The following CNR1 variants were observed in gnomAD, a reference collection of about 807,000 sequenced individuals.
CNR1 encodes the protein cannabinoid receptor 1, also known as cannabinoid receptor 1 (brain).
Under a neutral mutation model 23.0 loss-of-function variants are expected in CNR1, and 10 were observed. That is an observed-to-expected ratio of 0.43 (90% CI 0.27 to 0.74). The LOEUF is 0.74. Among genes scored for constraint, CNR1 ranks in the 30% least tolerant of loss-of-function variants. The pLI, the probability that CNR1 is intolerant of heterozygous loss-of-function variation, is 0.19. For missense variants in CNR1, 422 were observed against 618.8 expected (o/e 0.68, Z 3.37); for synonymous variants, 271 against 255.2 (o/e 1.06, Z -0.59).
Position 88,144,693 on chromosome 6 carries a change from A to T in CNR1, c.582T>A (p.Gly194=). 2 of 1,614,156 alleles carry T rather than the reference A, an allele frequency of 1.2e-6. No homozygotes were observed. Among genetic ancestry groups the T allele is most frequent in the Non-Finnish European group, 8.5e-7 (1 of 1,180,014 alleles). ...AGGCAGTGAAGGAGGCCGTGACCCC[A>T]CCCAGTTTGAACAGAAACACGTTGC... is the stretch of plus-strand genomic sequence containing the variant. ...DSRNVFLFKL[G]GVTASFTASV... Residue 194 remains glycine (G), a synonymous_variant, in exon 2 of 2, where the codon GGT becomes GGA. Coordinates refer to ENST00000369501, the MANE Select transcript of CNR1 (RefSeq NM_016083.6). This position sits in a 1 kb window ranked among gnomAD's most constrained non-coding sequence, Gnocchi z 7.8.
In CNR1 at chr6:88,144,318, G is replaced by T. The variant is rs1225729258; in HGVS notation, c.957C>A (p.Ile319=). The change falls in exon 2 of 2, where the codon ATC becomes ATA. Residue 319 remains isoleucine, a synonymous_variant. Coordinates refer to ENST00000369501, the MANE Select transcript of CNR1 (RefSeq NM_016083.6). The surrounding 1 kb of genome is among the most constrained non-coding windows in gnomAD (Gnocchi z 7.8). ...GTACCTTCCCATCCTCAGACGTGTGGATGATGATGCTCTTCTGGGTGCCAC... is the reference window on the plus strand; with the variant it reads ...GTACCTTCCCATCCTCAGACGTGTGTATGATGATGCTCTTCTGGGTGCCAC... ...IQRGTQKSII[I]HTSEDGKVQV... 1 of 1,612,988 alleles carries T rather than the reference G, an allele frequency of 6.2e-7. No individual in the cohort carries two copies. Among genetic ancestry groups the T allele is most frequent in the Non-Finnish European group, 8.5e-7 (1 of 1,180,014 alleles).
chr6:88,145,221 A>T lies in CNR1; in HGVS notation c.54T>A (p.Thr18=), dbSNP rs1477459594. 2 of 1,614,046 alleles carry T rather than the reference A, an allele frequency of 1.2e-6. No homozygotes were observed. Among genetic ancestry groups the T allele is most frequent in the Non-Finnish European group, 1.7e-6 (2 of 1,180,014 alleles). Reference sequence around the variant, plus strand: ...CATTTGAGCCCACGTACAGGAGGTCAGTGGTGATGGTGCGGAAGGTGGTAT... The same window carrying T: ...CATTTGAGCCCACGTACAGGAGGTCTGTGGTGATGGTGCGGAAGGTGGTAT... ...LADTTFRTIT[T]DLLYVGSNDI... is the part of the protein sequence containing the mutation. The change falls in exon 2 of 2, where the codon ACT becomes ACA. Residue 18 remains threonine (T), a synonymous_variant. Coordinates refer to ENST00000369501, the MANE Select transcript of CNR1 (RefSeq NM_016083.6).
At chr6:88,158,186 G>A (rs182956624) in intron 1 of CNR1, among the ~76,000 whole-genome samples, 21 of 152,328 alleles carry the variant, frequency 1.4e-4, no homozygotes, top group Non-Finnish European at 2.2e-4. Context: ...CTCTGGAAAT[G>A]TAGTTGTGAT....
chr6:88,166,963 T>C (rs1778395284), upstream of CNR1, among the ~76,000 whole-genome samples: 2 of 151,804 alleles, frequency 1.3e-5, no homozygotes, highest in African/African-American at 4.8e-5. Context: ...AGCCGTTCGC[T>C]ACCTGGCTGC....
At chr6:88,167,251 C>T (rs769849647), upstream of CNR1, among the ~76,000 whole-genome samples, 3 of 152,092 alleles carry the variant, frequency 2.0e-5, no homozygotes, top group East Asian at 1.9e-4. Flanking sequence ...GACTCGGGGG[C>T]GGCAGCGGCG....
chr6:88,164,119 TAAC>T (rs1482501890), intron 1 of CNR1: 1 of 152,368 alleles, frequency 6.6e-6, no homozygotes, highest in African/African-American at 2.4e-5. Context: ...TTTGCTTTCC[TAAC>T]AACGAGTATG....
At position 88,143,777 on chromosome 6, in the gene CNR1, C is replaced by T; in HGVS notation, c.*79G>A. The T allele has an allele frequency of 9.9e-7, 1 of 1,009,554 alleles. No individual in the cohort carries two copies. The highest frequency in any genetic ancestry group is 1.5e-6 in the Non-Finnish European group (1 of 672,842). 62.5% of individuals were successfully genotyped at this position (1,009,554 alleles called of 1,614,324 possible). A position where few individuals can be genotyped will look rare whatever the true frequency, so the allele number is the denominator to read the frequency against. ...CATGGTAAAGTTAAAAAAATATAAC[C>T]AAGGAGACAATAGACTCTTCTAGAT... On this transcript the variant is annotated 3_prime_UTR_variant, in exon 2 of 2. Transcript: ENST00000369501.
At position 88,151,088 on chromosome 6, in the gene CNR1, T is replaced by A. The variant is rs530586738; in HGVS notation, c.-63-5751A>T. 3.3e-5 allele frequency among the ~76,000 whole-genome samples: 5 copies of A among 152,284 alleles called. No individual in the cohort carries two copies. In the South Asian group the frequency reaches 6.2e-4, roughly 19 times the overall value. Reference sequence around the variant, plus strand: ...TGACACTGAGCCTATTACATATATATCAATTCCTTTATTTCACAATGGCCC... The same window carrying A: ...TGACACTGAGCCTATTACATATATAACAATTCCTTTATTTCACAATGGCCC... On this transcript the variant is annotated intron_variant, in intron 1 of 1. Coordinates refer to ENST00000369501, the MANE Select transcript of CNR1 (RefSeq NM_016083.6).
At chr6:88,152,233 A>G (rs1046584025) in intron 1 of CNR1, among the ~76,000 whole-genome samples, 3 of 150,096 alleles carry the variant, frequency 2.0e-5, no homozygotes, top group East Asian at 2.0e-4. Context: ...AAAAAAAAAA[A>G]AAAGAAATGT....
At chr6:88,147,143 A>AT (rs1324905847) in intron 1 of CNR1, among the ~76,000 whole-genome samples, 2 of 152,134 alleles carry the variant, frequency 1.3e-5, no homozygotes, top group African/African-American at 2.4e-5. Context: ...ATAAAAAGAA[A>AT]TTTAAAAAAA....
chr6:88,159,676 T>C (rs1777983621), intron 1 of CNR1, among the ~76,000 whole-genome samples: 1 of 152,194 alleles, frequency 6.6e-6, no homozygotes, highest in South Asian at 2.1e-4. Context: ...GACACAAAAT[T>C]CTTTGGCCAA....
chr6:88,162,222 A>T (rs1347474297), intron 1 of CNR1, among the ~76,000 whole-genome samples: 1 of 152,170 alleles, frequency 6.6e-6, no homozygotes, highest in African/African-American at 2.4e-5. Context: ...CATTTCCCCA[A>T]ATTTGTAGTA....
intron 1 of CNR1, among the ~76,000 whole-genome samples, chr6:88,157,093 G>A (rs1199925951): frequency 6.6e-6 from 1 of 152,154 alleles, no homozygotes; most frequent in Non-Finnish European, 1.5e-5. Flanking sequence ...TAGCAATGAC[G>A]TATCAAGAGT....
intron 1 of CNR1, chr6:88,162,922 A>G (rs1778179336): frequency 6.6e-6 from 1 of 152,224 alleles, no homozygotes; most frequent in East Asian, 1.9e-4. Context: ...TCAATTAGAA[A>G]ATGATAAATA....
rs897249252 is a variant in CNR1 at position 88,144,413 on chromosome 6, G to C, written c.862C>G (p.Leu288Val). 2 of 1,614,134 alleles carry C rather than the reference G, an allele frequency of 1.2e-6. No individual in the cohort carries two copies. Among genetic ancestry groups the C allele is most frequent in the Non-Finnish European group, 1.7e-6 (2 of 1,180,040 alleles). ...TACATGTACGCATACACGATGAACA[G>C]AAGCAGTACGCTGGTGACCCCGATC... ...FWIGVTSVLLLFIVYAYMYIL... is the reference protein window; with the variant it reads ...FWIGVTSVLLVFIVYAYMYIL... Residue 288 changes from leucine (L) to valine (V), a missense_variant, in exon 2 of 2, where the codon CTG becomes GTG. By Grantham distance (32) the Leu-to-Val change is conservative. Coordinates refer to ENST00000369501, the MANE Select transcript of CNR1 (RefSeq NM_016083.6). This position sits in a 1 kb window ranked among gnomAD's most constrained non-coding sequence, Gnocchi z 7.8.
At chr6:88,159,844 C>G (rs1399528667) in intron 1 of CNR1, among the ~76,000 whole-genome samples, 1 of 152,108 alleles carries the variant, frequency 6.6e-6, no homozygotes, top group Non-Finnish European at 1.5e-5. Context: ...TTTAGCCAAA[C>G]GCCATGGAAT....
chr6:88,165,635 C>T (rs910893969), intron 1 of CNR1, among the ~76,000 whole-genome samples, 168 bp downstream of exon 1: 4 of 152,208 alleles, frequency 2.6e-5, no homozygotes, highest in Non-Finnish European at 5.9e-5. Context: ...AGAAGTAGAA[C>T]AGATCACAGT....
upstream of CNR1, among the ~76,000 whole-genome samples, chr6:88,166,910 C>G (rs989421775): frequency 6.6e-6 from 1 of 151,924 alleles, no homozygotes; most frequent in Non-Finnish European, 1.5e-5. Flanking sequence ...CGAGCTGGGC[C>G]CGGGGCCGGG....
intron 1 of CNR1, among the ~76,000 whole-genome samples, chr6:88,160,849 G>A (rs1010327721): frequency 1.5e-4 from 23 of 152,124 alleles, no homozygotes; most frequent in Non-Finnish European, 2.9e-4. Context: ...CTTCTCTAAA[G>A]TTATGATCTA....
Sources: allele counts gnomAD v4.1 joint callset (sites outside exome capture counted in the v4.1 genomes callset), GRCh38; gene constraint gnomAD v4.1.1; non-coding constraint Gnocchi (gnomAD v3.1); transcripts MANE v1.5; gene names NCBI Gene and HGNC (gene_info 2026-07-23, HGNC 2026-07-21).